The following CRPPA variants were observed in gnomAD, a reference collection of about 807,000 sequenced individuals.
The protein encoded by CRPPA is D-ribitol-5-phosphate cytidylyltransferase.
Under a neutral mutation model 52.0 loss-of-function variants are expected in CRPPA, and 43 were observed. The observed-to-expected ratio is 0.83, with a 90% CI of 0.65 to 1.07. CRPPA has a LOEUF of 1.07. Ranked by LOEUF, CRPPA falls within the 50% of genes least tolerant of loss-of-function variation. The pLI, the probability that CRPPA is intolerant of heterozygous loss-of-function variation, is 0.00. For synonymous variants in CRPPA, 250 were observed against 203.5 expected, an observed-to-expected ratio of 1.23 and a Z score of -1.94; for missense variants, 629 against 551.7, an observed-to-expected ratio of 1.14 and a Z score of -1.40.
chr7:16,310,664 A>C (rs1194875398), intron 3 of CRPPA, among the ~76,000 whole-genome samples: 2 of 150,390 alleles, frequency 1.3e-5, no homozygotes, highest in Non-Finnish European at 2.9e-5. Context: ...TTCAGGAAAA[A>C]CAGAAAAAGA....
chr7:16,110,801 T>C (rs528416608), intron 9 of CRPPA, among the ~76,000 whole-genome samples: 26 of 152,066 alleles, frequency 1.7e-4, no homozygotes, highest in Non-Finnish European at 3.4e-4. Flanking sequence ...CAACTTGAAA[T>C]GCACTAAAGA....
In CRPPA at chr7:16,301,474, A is replaced by G. The variant is rs756767917; in HGVS notation, c.790-8T>C. ...ATCTCGTTTGTAGGTCACCTAAAGG[A>G]CAGATAAACTTCATTAGACTTAACA... On this transcript the variant is annotated splice_region_variant and splice_polypyrimidine_tract_variant and intron_variant, in intron 4 of 9. Transcript: ENST00000407010. 1 of 1,608,132 alleles carries G rather than the reference A, an allele frequency of 6.2e-7. No homozygotes were observed. Among genetic ancestry groups the G allele is most frequent in the South Asian group, 1.1e-5 (1 of 90,426 alleles).
intron 3 of CRPPA, among the ~76,000 whole-genome samples, chr7:16,340,623 A>T (rs1449079002): frequency 6.6e-6 from 1 of 151,254 alleles, no homozygotes; most frequent in African/African-American, 2.4e-5. Flanking sequence ...AAAGAAAAAA[A>T]AAACGAAAAA....
At chr7:16,154,381 T>C (rs1783133938) in intron 9 of CRPPA, among the ~76,000 whole-genome samples, 1 of 152,014 alleles carries the variant, frequency 6.6e-6, no homozygotes, top group Non-Finnish European at 1.5e-5. Flanking sequence ...GTGTGTGTGT[T>C]CCCCTCTCTG....
At chr7:16,353,996 C>CA (rs558030961) in intron 3 of CRPPA, among the ~76,000 whole-genome samples, 76 of 151,862 alleles carry the variant, frequency 5.0e-4, no homozygotes, top group African/African-American at 1.7e-3. Flanking sequence ...ATACAATTAT[C>CA]AAAAAAATAA....
intron 9 of CRPPA, among the ~76,000 whole-genome samples, chr7:16,194,465 A>G (rs1476391345): frequency 6.6e-6 from 1 of 152,160 alleles, no homozygotes; most frequent in Admixed American, 6.6e-5. Context: ...TTGACTATAA[A>G]GCCTCTAACA....
At chr7:16,223,202 T>C (rs142757062) in intron 8 of CRPPA, among the ~76,000 whole-genome samples, 12 of 152,308 alleles carry the variant, frequency 7.9e-5, no homozygotes, top group African/African-American at 7.2e-5. Flanking sequence ...CCAGCTGGAC[T>C]AAGGAACAAT....
chr7:16,398,905 G>C (rs1410949778), intron 2 of CRPPA, among the ~76,000 whole-genome samples: 2 of 152,192 alleles, frequency 1.3e-5, no homozygotes, highest in African/African-American at 4.8e-5. Flanking sequence ...TGTCCAACAA[G>C]TGACTGACAC....
intron 9 of CRPPA, among the ~76,000 whole-genome samples, chr7:16,205,849 A>G (rs139791724): frequency 6.6e-6 from 1 of 152,300 alleles, no homozygotes; most frequent in East Asian, 1.9e-4. Flanking sequence ...TATCATCAAA[A>G]CATCTTAAAT....
At chr7:16,411,182 C>A (rs771690313) in intron 1 of CRPPA, among the ~76,000 whole-genome samples, 6 of 152,164 alleles carry the variant, frequency 3.9e-5, no homozygotes, top group Non-Finnish European at 7.3e-5. Flanking sequence ...CATATCAGCT[C>A]TATAAAGCAC....
intron 8 of CRPPA, among the ~76,000 whole-genome samples, chr7:16,243,886 G>A (rs1013334927): frequency 1.3e-5 from 2 of 152,178 alleles, no homozygotes; most frequent in African/African-American, 4.8e-5. Flanking sequence ...AGGATCACTT[G>A]AGCCTGGGAG....
At chr7:16,105,511 T>C (rs1364505186) in intron 9 of CRPPA, among the ~76,000 whole-genome samples, 1 of 152,056 alleles carries the variant, frequency 6.6e-6, no homozygotes, top group Non-Finnish European at 1.5e-5. Flanking sequence ...TAGAAAACAG[T>C]AGTGAAAATG....
chr7:16,208,648 A>T (rs1221967786), intron 9 of CRPPA, among the ~76,000 whole-genome samples: 1 of 152,102 alleles, frequency 6.6e-6, no homozygotes, highest in Non-Finnish European at 1.5e-5. Flanking sequence ...TCCCACCCTT[A>T]TCAAAGAAGG....
At chr7:16,159,845 T>C (rs528717137) in intron 9 of CRPPA, among the ~76,000 whole-genome samples, 54 of 152,308 alleles carry the variant, frequency 3.5e-4, no homozygotes, top group African/African-American at 1.3e-3. Flanking sequence ...AGTGTTCCTA[T>C]TTCTCCACAT....
chr7:16,228,824 G>C (rs1199526623), intron 8 of CRPPA, among the ~76,000 whole-genome samples: 1 of 151,926 alleles, frequency 6.6e-6, no homozygotes, highest in Non-Finnish European at 1.5e-5. Context: ...ATTTGATCAA[G>C]AGCATAGTTT....
chr7:16,091,569 C>A lies in CRPPA; in HGVS notation c.*126G>T. 1 of 603,584 alleles carries A rather than the reference C, an allele frequency of 1.7e-6. No individual in the cohort carries two copies. The highest frequency in any genetic ancestry group is 3.2e-5 in the East Asian group (1 of 31,528). 37.4% of individuals were successfully genotyped at this position (603,584 alleles called of 1,614,324 possible). ...CTGCTTTATAATCTAAGCATCACAT[C>A]CTACAAATTATAGAGAAGATATAAA... is the stretch of plus-strand genomic sequence containing the variant. On this transcript the variant is annotated 3_prime_UTR_variant, in exon 10 of 10. Transcript: ENST00000407010.
chr7:16,186,183 T>C (rs1258497919), intron 9 of CRPPA, among the ~76,000 whole-genome samples: 1 of 152,206 alleles, frequency 6.6e-6, no homozygotes, highest in Non-Finnish European at 1.5e-5. Flanking sequence ...GGACTGAATG[T>C]ATGTGCTCCC....
rs150405405 is a variant in CRPPA, at chr7:16,319,374, C to A, written c.685-10747G>T. Among the ~76,000 whole-genome samples the A allele has an allele frequency of 5.8e-4, 89 of 152,206 alleles. 1 individual carries two copies. Among genetic ancestry groups the A allele is most frequent in the African/African-American group, 2.1e-3 (88 of 41,542 alleles). ...GTTGTCTTCTCTGCCAGTCATTCAG[C>A]CATCATCCTAGGAACTCCCTACATC... On this transcript the variant is annotated intron_variant, in intron 3 of 9. Transcript: ENST00000407010.
At chr7:16,178,128 C>T (rs1024690649) in intron 9 of CRPPA, among the ~76,000 whole-genome samples, 2 of 151,254 alleles carry the variant, frequency 1.3e-5, no homozygotes, top group African/African-American at 4.9e-5. Context: ...TTTTTAAAGG[C>T]AACTACGTGG....
Sources: allele counts gnomAD v4.1 joint callset (sites outside exome capture counted in the v4.1 genomes callset), GRCh38; gene constraint gnomAD v4.1.1; transcripts MANE v1.5; gene names NCBI Gene and HGNC (gene_info 2026-07-23, HGNC 2026-07-21).